Variants in ZNF521 observed in about 807,000 individuals in gnomAD.
ZNF521 encodes the protein LYST-interacting protein 3.
In ZNF521, 14 loss-of-function variants were observed where a neutral mutation model predicts 105.5. The ratio of observed to expected loss-of-function variants is 0.13; its 90% confidence interval spans 0.09 to 0.21. ZNF521 has a LOEUF of 0.21. Ranked by LOEUF, ZNF521 falls within the 10% of genes least tolerant of loss-of-function variation. ZNF521 has a pLI of 1.00. For missense variants in ZNF521, 1,233 were observed against 1,629.7 expected (o/e 0.76, Z 4.19); for synonymous variants, 635 against 606.0 (o/e 1.05, Z -0.70).
At chr18:25,184,692 T>C (rs1036161643) in intron 5 of ZNF521, among the ~76,000 whole-genome samples, 2 of 152,196 alleles carry the variant, frequency 1.3e-5, no homozygotes, top group African/African-American at 2.4e-5. Flanking sequence ...GACTTGATAG[T>C]TCTATTGAAG....
chr18:25,343,384 T>C (rs1366036111), intron 2 of ZNF521, among the ~76,000 whole-genome samples: 1 of 152,228 alleles, frequency 6.6e-6, no homozygotes, highest in Non-Finnish European at 1.5e-5. Flanking sequence ...ATGGACTTAC[T>C]AAACAAAGTG....
chr18:25,331,229 T>A (rs962394745), intron 2 of ZNF521, among the ~76,000 whole-genome samples: 14 of 152,152 alleles, frequency 9.2e-5, no homozygotes, highest in African/African-American at 3.4e-4. Context: ...TTCTTCCATT[T>A]TACATAAGAA....
intron 2 of ZNF521, among the ~76,000 whole-genome samples, chr18:25,336,078 G>C (rs1313529862): frequency 1.3e-5 from 2 of 152,168 alleles, no homozygotes; most frequent in East Asian, 3.9e-4. Context: ...CCCAAAATAA[G>C]GTCTCAAATA....
chr18:25,148,869 A>G (rs1209021096), intron 5 of ZNF521, among the ~76,000 whole-genome samples: 1 of 152,220 alleles, frequency 6.6e-6, no homozygotes, highest in Non-Finnish European at 1.5e-5. Context: ...TCCTTAGTCA[A>G]TATAATAGCT....
At chr18:25,341,238 G>A (rs1006220492) in intron 2 of ZNF521, among the ~76,000 whole-genome samples, 8 of 152,176 alleles carry the variant, frequency 5.3e-5, no homozygotes, top group African/African-American at 1.2e-4. Context: ...TTTTAGTACC[G>A]ACTTGCTGCA....
chr18:25,327,035 T>C (rs1387038414), intron 2 of ZNF521, among the ~76,000 whole-genome samples: 1 of 152,058 alleles, frequency 6.6e-6, no homozygotes, highest in African/African-American at 2.4e-5. Flanking sequence ...AAGTCTTAGC[T>C]TCACTGTGAT....
intron 5 of ZNF521, among the ~76,000 whole-genome samples, chr18:25,107,104 A>T (rs1321379897): frequency 4.6e-5 from 7 of 152,222 alleles, no homozygotes; most frequent in Admixed American, 4.6e-4. Flanking sequence ...CCTGCCACTA[A>T]CAAGCTGAGC....
At chr18:25,077,478 C>A (rs2033389658) in intron 7 of ZNF521, among the ~76,000 whole-genome samples, 1 of 152,152 alleles carries the variant, frequency 6.6e-6, no homozygotes, top group Admixed American at 6.5e-5. Context: ...TGGGCCACAT[C>A]CGCGTGCCCC....
Position 25,289,031 on chromosome 18 carries a change from C to CT in ZNF521, c.220+32976dup, listed in dbSNP as rs565553487. On this transcript the variant is annotated intron_variant, in intron 3 of 7. Transcript: ENST00000361524. The stretch of plus-strand genomic sequence containing the variant: ...TAAAAGGCAATAGCCAAAACTATAG[C>CT]TTTTTTTAACCTTGGAAATTACAGC... Among the ~76,000 whole-genome samples, 711 of 152,266 alleles carry CT rather than the reference C, an allele frequency of 4.7e-3. 6 individuals are homozygous for CT. The highest frequency in any genetic ancestry group is 0.016 in the African/African-American group (679 of 41,536).
At chr18:25,116,898 T>C (rs201258628) in intron 5 of ZNF521, among the ~76,000 whole-genome samples, 30 of 51,364 alleles carry the variant, frequency 5.8e-4, no homozygotes, top group African/African-American at 5.8e-4. Context: ...CGTATATATA[T>C]ATGTGTATAT....
intron 5 of ZNF521, among the ~76,000 whole-genome samples, chr18:25,146,829 T>TA (rs1156881077): frequency 1.3e-5 from 2 of 152,148 alleles, no homozygotes; most frequent in Non-Finnish European, 1.5e-5. Context: ...TATGATTTTT[T>TA]ACCCATGTTT....
chr18:25,223,702 A>C (rs1461165206), intron 4 of ZNF521, among the ~76,000 whole-genome samples: 1 of 152,030 alleles, frequency 6.6e-6, no homozygotes, highest in African/African-American at 2.4e-5. Flanking sequence ...AAAAAAAAAA[A>C]CGCACACATT....
At chr18:25,068,597 C>T (rs1168977942) in intron 7 of ZNF521, among the ~76,000 whole-genome samples, 1 of 151,972 alleles carries the variant, frequency 6.6e-6, no homozygotes, top group Non-Finnish European at 1.5e-5. Flanking sequence ...ATTAAGGTCA[C>T]CCCTGTGCTC....
At chr18:25,282,008 C>T (rs1241008718) in intron 3 of ZNF521, among the ~76,000 whole-genome samples, 1 of 151,910 alleles carries the variant, frequency 6.6e-6, no homozygotes, top group Non-Finnish European at 1.5e-5. Context: ...GTTTTTCAGA[C>T]TCTTGAAAAT....
intron 3 of ZNF521, among the ~76,000 whole-genome samples, chr18:25,234,928 G>A (rs1400935415): frequency 6.6e-6 from 1 of 151,254 alleles, no homozygotes; most frequent in Non-Finnish European, 1.5e-5. Context: ...AAATTAATAT[G>A]GATTAATTTA....
At chr18:25,304,179 T>C (rs978011058) in intron 3 of ZNF521, among the ~76,000 whole-genome samples, 2 of 152,232 alleles carry the variant, frequency 1.3e-5, no homozygotes, top group Admixed American at 6.5e-5. Context: ...AGACACTTCA[T>C]GACATTTTAA....
intron 5 of ZNF521, 136 bp from the exon 6 acceptor site, chr18:25,092,217 G>T: frequency 2.0e-6 from 2 of 1,000,178 alleles, no homozygotes; most frequent in Non-Finnish European, 2.8e-6. Flanking sequence ...TATGGTTTCT[G>T]GTTATTTCAC....
intron 3 of ZNF521, chr18:25,273,364 C>T (rs934309075): frequency 2.7e-5 from 4 of 150,770 alleles, no homozygotes; most frequent in African/African-American, 9.9e-5. Context: ...GCTTCCCTCA[C>T]TCCAATTCCA....
At chr18:25,141,496 C>T (rs2034847097) in intron 5 of ZNF521, among the ~76,000 whole-genome samples, 1 of 152,120 alleles carries the variant, frequency 6.6e-6, no homozygotes, top group Non-Finnish European at 1.5e-5. Context: ...TCTAGAGTTC[C>T]CTTAGTGGTT....
Sources: allele counts gnomAD v4.1 joint callset (sites outside exome capture counted in the v4.1 genomes callset), GRCh38; gene constraint gnomAD v4.1.1; transcripts MANE v1.5; gene names NCBI Gene and HGNC (gene_info 2026-07-23, HGNC 2026-07-21).